The following PSTPIP1 variants were observed in gnomAD, a reference collection of about 807,000 sequenced individuals.
PSTPIP1 encodes proline-serine-threonine phosphatase interacting protein 1, also known as proline-serine-threonine phosphatase-interacting protein 1.
A neutral mutation model predicts 69.6 loss-of-function variants in PSTPIP1; 66 were observed. The observed-to-expected ratio is 0.95, with a 90% CI of 0.78 to 1.16. The LOEUF is 1.16. PSTPIP1 is among the 50% of genes most tolerant of loss of function. The probability of loss-of-function intolerance (pLI) is 0.00; values close to 1 mark genes in which losing one functional copy is unlikely to be tolerated. For missense variants in PSTPIP1, 603 were observed against 557.4 expected (o/e 1.08, Z -0.82); for synonymous variants, 266 against 222.7 (o/e 1.19, Z -1.73).
At chr15:77,000,476 T>TATATATACAC (rs1033258180) in intron 1 of PSTPIP1, among the ~76,000 whole-genome samples, 1 of 146,794 alleles carries the variant, frequency 6.8e-6, no homozygotes, top group African/African-American at 2.6e-5. Flanking sequence ...TATATATATA[T>TATATATACAC]ACACACACAC....
At chr15:77,017,164 G>T (rs1257021725) in intron 1 of PSTPIP1, among the ~76,000 whole-genome samples, 1 of 152,130 alleles carries the variant, frequency 6.6e-6, no homozygotes, top group African/African-American at 2.4e-5. Flanking sequence ...AGCTCAGGGG[G>T]TTGTGGCGGG....
chr15:77,014,609 T>C (rs984413550), intron 1 of PSTPIP1, among the ~76,000 whole-genome samples: 53 of 152,218 alleles, frequency 3.5e-4, no homozygotes, highest in African/African-American at 1.2e-3. Flanking sequence ...CCCTGGTGTC[T>C]GTGGTCTCGC....
At position 77,001,303 on chromosome 15, in the gene PSTPIP1, C is replaced by T. The variant is rs147730610; in HGVS notation, c.36+5694C>T. 2.9e-3 allele frequency among the ~76,000 whole-genome samples: 439 copies of T among 152,248 alleles called. 1 individual carries two copies. Among genetic ancestry groups the T allele is most frequent in the Non-Finnish European group, 3.7e-3 (253 of 68,016 alleles). On this transcript the variant is annotated intron_variant, in intron 1 of 14. Transcript: ENST00000558012. Reference sequence around the variant, plus strand: ...TGAAAGAGTGGGGCCAGTTCTCCAGCCATGGGTACTAGCAGTCACTTTGGG... The same window carrying T: ...TGAAAGAGTGGGGCCAGTTCTCCAGTCATGGGTACTAGCAGTCACTTTGGG...
chr15:77,028,413 C>T, intron 6 of PSTPIP1, 141 bp from the exon 7 acceptor site: 1 of 635,524 alleles, frequency 1.6e-6, no homozygotes, highest in Non-Finnish European at 2.7e-6. Context: ...ACCCCCAGAT[C>T]CCTGTCCCTG....
intron 1 of PSTPIP1, among the ~76,000 whole-genome samples, chr15:77,008,830 T>G (rs2075873060): frequency 1.3e-5 from 2 of 152,130 alleles, no homozygotes; most frequent in South Asian, 4.1e-4. Context: ...AGCATCTGAC[T>G]CTAAGTAGAG....
chr15:77,022,657 G>T (rs989536242), intron 3 of PSTPIP1, among the ~76,000 whole-genome samples: 6 of 152,226 alleles, frequency 3.9e-5, no homozygotes, highest in Admixed American at 6.5e-5. Flanking sequence ...GGGTTCTGGG[G>T]CAAAGCTGGG....
chr15:77,032,945 A>C lies in PSTPIP1; in HGVS notation c.922A>C (p.Ile308Leu). 6.2e-7 allele frequency: 1 copy of C among 1,601,324 alleles called. No homozygotes were observed. The highest frequency in any genetic ancestry group is 8.5e-7 in the Non-Finnish European group (1 of 1,174,328). ...TGGCATACAGCCGTCCTGCGGCATG[A>C]TAAAGAGGTGAGGCCCCGACAGACG... ...SPGIQPSCGM[I>L]KRFSGLLHGS... is the part of the protein sequence containing the mutation. Residue 308 changes from isoleucine (I) to leucine (L), a missense_variant, in exon 12 of 15, where the codon ATA becomes CTA. Ile to Leu is a conservative substitution (Grantham distance 5). Coordinates refer to ENST00000558012, the MANE Select transcript of PSTPIP1 (RefSeq NM_003978.5).
rs564896429 is a variant in PSTPIP1, at chr15:76,999,989, A to T, written c.36+4380A>T. ...GGGGAGGCTGGGTCACATGCACTGC[A>T]GTGACTGTCACCCACCCTTTGGGTG... On this transcript the variant is annotated intron_variant, in intron 1 of 14. Coordinates refer to ENST00000558012, the MANE Select transcript of PSTPIP1 (RefSeq NM_003978.5). Among the ~76,000 whole-genome samples the T allele has an allele frequency of 5.8e-4, 88 of 152,368 alleles. 1 individual carries two copies. Among genetic ancestry groups the T allele is most frequent in the African/African-American group, 1.9e-3 (79 of 41,598 alleles).
chr15:77,013,640 C>A (rs938287415), intron 1 of PSTPIP1, among the ~76,000 whole-genome samples: 6 of 152,184 alleles, frequency 3.9e-5, no homozygotes, highest in African/African-American at 1.2e-4. Context: ...CTCAGCTTCT[C>A]CTAGGGGCTC....
chr15:77,024,840 G>T (rs1450233625), intron 3 of PSTPIP1, among the ~76,000 whole-genome samples: 1 of 149,524 alleles, frequency 6.7e-6, no homozygotes, highest in East Asian at 2.1e-4. Context: ...AACATCCCCC[G>T]GGCCACCTGC....
rs1471547401 is a variant in PSTPIP1, at chr15:77,027,742, C to T, written c.355-110C>T. On this transcript the variant is annotated intron_variant, in intron 5 of 14. Transcript: ENST00000558012. The surrounding 1 kb of genome is among the most constrained non-coding windows in gnomAD (Gnocchi z 4.3). ...GGGAGGGCAGCCTGTCACCCTCTCT[C>T]CAGAGCCAGGAGAGGTGCTGCGCCT... 1.5e-6 allele frequency: 2 copies of T among 1,330,358 alleles called. No individual in the cohort carries two copies. Among genetic ancestry groups the T allele is most frequent in the African/African-American group, 1.5e-5 (1 of 68,528 alleles). The allele number at this position is 1,330,358 out of a possible 1,614,324, so 82.4% of individuals were successfully genotyped here.
rs1170516021 is a variant in PSTPIP1, at chr15:77,000,456, G to GAT, written c.36+4848_36+4849insTA. On this transcript the variant is annotated intron_variant, in intron 1 of 14. Coordinates refer to ENST00000558012, the MANE Select transcript of PSTPIP1 (RefSeq NM_003978.5). ...ACCTGTTCCATCCTGGGCATTTAAA[G>GAT]AGAGATATATATATATATATACACA... Among the ~76,000 whole-genome samples the GAT allele has an allele frequency of 7.1e-4, 49 of 69,232 alleles. No individual in the cohort carries two copies. The East Asian group carries it at 8.1e-3, about 11-fold the overall frequency. 45.4% of individuals were successfully genotyped at this position (69,232 alleles called of 152,430 possible).
chr15:77,037,186 A>G lies in PSTPIP1; in HGVS notation c.*10A>G, dbSNP rs577835318. On this transcript the variant is annotated 3_prime_UTR_variant, in exon 15 of 15. Transcript: ENST00000558012. ...CCTGGAGAAGCTTTGAGGAAGGGCCAGGAGCCCCTTCGGACCTGCCCTGCC... is the reference window on the plus strand; with the variant it reads ...CCTGGAGAAGCTTTGAGGAAGGGCCGGGAGCCCCTTCGGACCTGCCCTGCC... 19 of 1,592,360 alleles carry G rather than the reference A, an allele frequency of 1.2e-5. No homozygotes were observed. Among genetic ancestry groups the G allele is most frequent in the Non-Finnish European group, 1.5e-5 (18 of 1,171,242 alleles).
intron 9 of PSTPIP1, 131 bp from the exon 10 acceptor site, chr15:77,031,049 C>A: frequency 1.1e-6 from 1 of 870,826 alleles, no homozygotes; most frequent in Non-Finnish European, 1.8e-6. Flanking sequence ...CCAGGGCACT[C>A]TCTCCTTTGG....
chr15:77,036,966 G>C lies in PSTPIP1; in HGVS notation c.1120-79G>C. The C allele has an allele frequency of 3.9e-6, 6 of 1,550,976 alleles. No homozygotes were observed. In the South Asian group the frequency reaches 4.7e-5, roughly 12 times the overall value. ...AGACATGCCGCATTTACTGCTGGGT[G>C]GGGGAACGCCAGGCCCCTCCCTGCA... On this transcript the variant is annotated intron_variant, in intron 14 of 14. Transcript: ENST00000558012.
At chr15:77,018,098 C>A in intron 1 of PSTPIP1, 50 bp from the exon 2 acceptor site, 1 of 1,528,260 alleles carries the variant, frequency 6.5e-7, no homozygotes, top group Non-Finnish European at 8.9e-7. Context: ...GGGCTGTGCT[C>A]AGTGTCGCCT....
chr15:77,028,574 G>C lies in PSTPIP1; in HGVS notation c.438G>C (p.Gln146His). 2 of 1,602,726 alleles carry C rather than the reference G, an allele frequency of 1.2e-6. No homozygotes were observed. The highest frequency in any genetic ancestry group is 1.7e-6 in the Non-Finnish European group (2 of 1,175,394). Residue 146 changes from glutamine (Q) to histidine (H), a missense_variant, in exon 7 of 15, where the codon CAG (glutamine) becomes CAC (histidine). Gln to His is a conservative substitution (Grantham distance 24). Transcript: ENST00000558012. ...CCCAGTCCAAGAAGACATACGAGCA[G>C]AAGTGCCGGGACGCGGACGACGCGG... ...KAMESKKTYEQKCRDADDAEQ... is the reference protein window; with the variant it reads ...KAMESKKTYEHKCRDADDAEQ...
At chr15:77,032,709 A>T (rs978773914) in intron 11 of PSTPIP1, 153 bp from the exon 12 acceptor site, 3 of 667,740 alleles carry the variant, frequency 4.5e-6, no homozygotes, top group Non-Finnish European at 7.8e-6. Flanking sequence ...GATGGTACCT[A>T]CGGTGGGGTC....
In PSTPIP1 at chr15:77,032,385, G is replaced by T; in HGVS notation, c.829G>T (p.Glu277Ter). The change falls in exon 11 of 15, where the codon GAG becomes TAG. Residue 277 changes from glutamate (E) to a stop codon, truncating the protein, a stop_gained. Transcript: ENST00000558012. LOFTEE classifies it high-confidence loss of function. ...CATCCAGGCCAAGAGCACGGGCACA[G>T]AGCCCCCCGGTGAGGTCCGGCTTGC... is the stretch of plus-strand genomic sequence containing the variant. ...SFIQAKSTGT[E>*]PPAPVPYQNY... The T allele has an allele frequency of 6.2e-7, 1 of 1,612,692 alleles. No individual in the cohort carries two copies. Among genetic ancestry groups the T allele is most frequent in the Non-Finnish European group, 8.5e-7 (1 of 1,179,806 alleles).
Sources: gnomAD v4.1 joint callset for allele counts (sites outside exome capture counted in the v4.1 genomes callset) on GRCh38, gnomAD v4.1.1 for gene constraint, Gnocchi (gnomAD v3.1) non-coding constraint, MANE v1.5 for transcripts, NCBI Gene and HGNC (gene_info 2026-07-23, HGNC 2026-07-21) for gene names.